PCDH15: variants seen among roughly 807,000 people sequenced by gnomAD.
PCDH15 encodes protocadherin related 15.
PCDH15 carries 129 observed loss-of-function variants against 178.5 expected under a neutral mutation model. The observed-to-expected ratio is 0.72, with a 90% CI of 0.63 to 0.84. The LOEUF is 0.84. Ranked by LOEUF, PCDH15 falls within the 40% of genes least tolerant of loss-of-function variation. The pLI is 0.00. For missense variants in PCDH15, 2,230 were observed against 2,099.9 expected (o/e 1.06, Z -1.21); for synonymous variants, 800 against 732.0 (o/e 1.09, Z -1.50).
intron 1 of PCDH15, among the ~76,000 whole-genome samples, chr10:54,704,686 C>T (rs1211817959): frequency 6.6e-6 from 1 of 151,980 alleles, no homozygotes; most frequent in East Asian, 1.9e-4. Flanking sequence ...CAGATGCCTG[C>T]ATGGTTGCAA....
chr10:54,261,517 A>AT (rs1304986043), intron 8 of PCDH15, among the ~76,000 whole-genome samples: 1 of 152,124 alleles, frequency 6.6e-6, no homozygotes, highest in Non-Finnish European at 1.5e-5. Context: ...GTTTAGGTTC[A>AT]TTAGAATTTT....
At chr10:55,033,551 CTTACCA>C (rs1169823770) in intron 2 of PCDH15, among the ~76,000 whole-genome samples, 1 of 152,176 alleles carries the variant, frequency 6.6e-6, no homozygotes, top group Non-Finnish European at 1.5e-5. Context: ...TTGTGTCTGT[CTTACCA>C]TTACATTTTG....
intron 8 of PCDH15, among the ~76,000 whole-genome samples, chr10:54,242,158 A>G (rs1591376619): frequency 3.8e-5 from 4 of 104,296 alleles, no homozygotes; most frequent in African/African-American, 1.5e-4. Flanking sequence ...ATATATATAT[A>G]TATATATATA....
chr10:54,223,546 T>TTTTTTGAGACGGAGTCTC (rs1554845726), intron 9 of PCDH15, among the ~76,000 whole-genome samples: 1 of 145,674 alleles, frequency 6.9e-6, no homozygotes, highest in East Asian at 1.9e-4. Flanking sequence ...AATTGTCTTT[T>TTTTTTGAGACGGAGTCTC]GCTTCATATT....
At chr10:54,479,692 CA>C (rs1235507867) in intron 3 of PCDH15, among the ~76,000 whole-genome samples, 4 of 151,896 alleles carry the variant, frequency 2.6e-5, no homozygotes, top group Admixed American at 6.6e-5. Flanking sequence ...TATAACTTTG[CA>C]GTTCCTTCTC....
At position 55,505,068 on chromosome 10, in the gene PCDH15, T is replaced by TTTTTTG. The variant is rs1303902660; in HGVS notation, c.-156+122551_-156+122556dup. On this transcript the variant is annotated intron_variant, in intron 2 of 5. Coordinates refer to the PCDH15 transcript ENST00000613346. ...CATTGGAAACTTTTCTGAAGGCAAG[T>TTTTTTG]TTTTTGTTTTTGTTTTTGTTTTTGT... Among the ~76,000 whole-genome samples the TTTTTTG allele has an allele frequency of 3.3e-5, 5 of 151,522 alleles. No homozygotes were observed. In the South Asian group the frequency reaches 8.3e-4, roughly 25 times the overall value.
At chr10:54,426,505 T>G (rs1261763031) in intron 3 of PCDH15, among the ~76,000 whole-genome samples, 1 of 152,178 alleles carries the variant, frequency 6.6e-6, no homozygotes, top group Admixed American at 6.6e-5. Flanking sequence ...CATCCTGCTG[T>G]GTGGCCCAGT....
In PCDH15 at chr10:55,351,686, T is replaced by C. The variant is rs1844938760; in HGVS notation, c.-155-185035A>G. On this transcript the variant is annotated intron_variant, in intron 2 of 5. Coordinates refer to the PCDH15 transcript ENST00000613346. The stretch of plus-strand genomic sequence containing the variant: ...GAAACTCATTTATTCTTTCGCTTGA[T>C]ATTGGTTCTTTTCATACTGACCATC... Among the ~76,000 whole-genome samples the C allele has an allele frequency of 2.6e-5, 4 of 152,302 alleles. No individual in the cohort carries two copies. The South Asian group carries it at 8.3e-4, about 32-fold the overall frequency.
chr10:54,848,747 AT>A (rs1953557942), intron 3 of PCDH15, among the ~76,000 whole-genome samples: 2 of 152,204 alleles, frequency 1.3e-5, no homozygotes, highest in Non-Finnish European at 2.9e-5. Flanking sequence ...TGCCTCCATT[AT>A]TTTAGAAACT....
At chr10:55,065,403 G>A (rs1841537545) in intron 2 of PCDH15, among the ~76,000 whole-genome samples, 1 of 151,894 alleles carries the variant, frequency 6.6e-6, no homozygotes, top group South Asian at 2.1e-4. Flanking sequence ...CGGTTCAAAG[G>A]TCCCCTCCTT....
At chr10:55,593,187 G>GA (rs1347793617) in intron 2 of PCDH15, among the ~76,000 whole-genome samples, 1 of 151,858 alleles carries the variant, frequency 6.6e-6, no homozygotes, top group African/African-American at 2.4e-5. Flanking sequence ...ACGTATAAAA[G>GA]AAAAACTGGT....
At chr10:55,264,704 G>A (rs1842234826) in intron 1 of PCDH15, among the ~76,000 whole-genome samples, 1 of 152,132 alleles carries the variant, frequency 6.6e-6, no homozygotes, top group Non-Finnish European at 1.5e-5. Flanking sequence ...CACTGGGACT[G>A]TTTTGACCCT....
chr10:53,806,901 G>C lies in PCDH15; in HGVS notation c.4901C>G (p.Pro1634Arg), dbSNP rs1841207083. Residue 1634 changes from proline to arginine, a missense_variant, in exon 38 of 38, where the codon CCC becomes CGC. Physicochemically the swap from Pro to Arg is moderately radical, Grantham distance 103. Transcript: ENST00000644397. ...TGCCAACTTGTCTAGTTTCTTAAAG[G>C]GCCCTCCCAGTCGAACAGGGGAAGC... ...KVASPVRLGG[P>R]FKKLDKLAVT... 1 of 1,613,770 alleles carries C rather than the reference G, an allele frequency of 6.2e-7. No homozygotes were observed. The highest frequency in any genetic ancestry group is 8.5e-7 in the Non-Finnish European group (1 of 1,179,810).
intron 3 of PCDH15, among the ~76,000 whole-genome samples, chr10:54,461,377 CA>C (rs569940572): frequency 6.6e-6 from 1 of 151,976 alleles, no homozygotes; most frequent in Non-Finnish European, 1.5e-5. Context: ...CATTAGCACA[CA>C]AAAAAATAGT....
chr10:54,058,609 C>T (rs1022851439), intron 18 of PCDH15, among the ~76,000 whole-genome samples: 11 of 151,978 alleles, frequency 7.2e-5, no homozygotes, highest in South Asian at 4.2e-4. Context: ...CAAACCATAT[C>T]GGTCATATCC....
At chr10:54,728,279 T>C (rs1942856355) in intron 1 of PCDH15, among the ~76,000 whole-genome samples, 3 of 151,180 alleles carry the variant, frequency 2.0e-5, no homozygotes, top group Non-Finnish European at 4.4e-5. Flanking sequence ...AGTTCCACAT[T>C]TGCAACACAA....
At chr10:54,773,279 G>A (rs1017088115) in intron 1 of PCDH15, among the ~76,000 whole-genome samples, 9 of 151,746 alleles carry the variant, frequency 5.9e-5, no homozygotes, top group African/African-American at 2.2e-4. Context: ...TTTTCTTAGA[G>A]GGAGAAACTA....
chr10:54,817,651 T>C (rs1234877449), intron 3 of PCDH15, among the ~76,000 whole-genome samples: 1 of 152,054 alleles, frequency 6.6e-6, no homozygotes, highest in Non-Finnish European at 1.5e-5. Context: ...TCATTTGCAT[T>C]AAAATAATCT....
chr10:54,519,617 T>C (rs1204690702), intron 3 of PCDH15, among the ~76,000 whole-genome samples: 1 of 152,000 alleles, frequency 6.6e-6, no homozygotes, highest in Non-Finnish European at 1.5e-5. Flanking sequence ...GAATCAATAT[T>C]GTGAAAATGG....
Sources: gnomAD v4.1 joint callset for allele counts (sites outside exome capture counted in the v4.1 genomes callset) on GRCh38, gnomAD v4.1.1 for gene constraint, MANE v1.5 for transcripts, NCBI Gene and HGNC (gene_info 2026-07-23, HGNC 2026-07-21) for gene names.